The following NCOA3 variants were observed in gnomAD, a reference collection of about 807,000 sequenced individuals.
NCOA3 encodes nuclear receptor coactivator 3.
In NCOA3, 51 loss-of-function variants were observed where a neutral mutation model predicts 158.8. The observed-to-expected ratio is 0.32, with a 90% confidence interval of 0.26 to 0.41. The LOEUF (loss-of-function observed/expected upper bound fraction) is 0.41. Ranked by LOEUF, NCOA3 falls within the 10% of genes least tolerant of loss-of-function variation. NCOA3 has a pLI of 1.00. For missense variants in NCOA3, 1,510 were observed against 1,746.6 expected (o/e 0.86, Z 2.41); for synonymous variants, 537 against 592.4 (o/e 0.91, Z 1.36).
At chr20:47,543,775 G>A (rs998114842) in intron 1 of NCOA3, among the ~76,000 whole-genome samples, 5 of 152,166 alleles carry the variant, frequency 3.3e-5, no homozygotes, top group African/African-American at 1.2e-4. Context: ...CTCCCAGGGA[G>A]CTGGGATTAC....
intron 7 of NCOA3, 42 bp downstream of exon 7, chr20:47,627,791 G>A (rs776962336): frequency 1.3e-6 from 2 of 1,594,958 alleles, no homozygotes; most frequent in Admixed American, 3.4e-5. Flanking sequence ...GAAACAAATA[G>A]TGGCCATACT....
At chr20:47,644,854 C>T (rs1428237755) in intron 17 of NCOA3, among the ~76,000 whole-genome samples, 5 of 152,206 alleles carry the variant, frequency 3.3e-5, no homozygotes, top group Admixed American at 6.5e-5. Flanking sequence ...CACGCCACCA[C>T]GCCCGGCTTT....
intron 1 of NCOA3, among the ~76,000 whole-genome samples, chr20:47,558,396 A>G (rs2085047092): frequency 1.3e-5 from 2 of 151,622 alleles, no homozygotes; most frequent in Non-Finnish European, 2.9e-5. Flanking sequence ...TTCCTCTTAC[A>G]AGGGCGCCAG....
chr20:47,559,851 T>C (rs751239270), intron 1 of NCOA3, among the ~76,000 whole-genome samples: 5 of 152,042 alleles, frequency 3.3e-5, no homozygotes, highest in Non-Finnish European at 7.4e-5. Context: ...AGGGTCTCAC[T>C]GTGTTGCCCA....
chr20:47,548,322 C>A (rs2084866362), intron 1 of NCOA3, among the ~76,000 whole-genome samples: 1 of 151,976 alleles, frequency 6.6e-6, no homozygotes, highest in East Asian at 1.9e-4. Context: ...GCAGGCAGAT[C>A]ACCTGAGGTC....
At chr20:47,559,033 T>C (rs2085058139) in intron 1 of NCOA3, among the ~76,000 whole-genome samples, 1 of 151,498 alleles carries the variant, frequency 6.6e-6, no homozygotes, top group Admixed American at 6.6e-5. Context: ...TGATGTTTTC[T>C]CTATTAGGGT....
intron 2 of NCOA3, among the ~76,000 whole-genome samples, chr20:47,617,353 A>G (rs1334420354): frequency 6.6e-6 from 1 of 152,216 alleles, no homozygotes; most frequent in African/African-American, 2.4e-5. Flanking sequence ...TCTCCAAACT[A>G]GATGGGTTGT....
chr20:47,535,416 G>A (rs750005063), intron 1 of NCOA3, among the ~76,000 whole-genome samples: 5 of 152,140 alleles, frequency 3.3e-5, no homozygotes, highest in African/African-American at 9.7e-5. Flanking sequence ...CTGCCTTATC[G>A]CAAGGATAGA....
intron 16 of NCOA3, among the ~76,000 whole-genome samples, chr20:47,641,316 C>A (rs1162911745): frequency 1.4e-5 from 2 of 144,810 alleles, no homozygotes; most frequent in Non-Finnish European, 1.5e-5. Context: ...AGTGATAGCT[C>A]AACATTTCTT....
chr20:47,615,879 G>A (rs1209323780), intron 2 of NCOA3, among the ~76,000 whole-genome samples: 1 of 152,062 alleles, frequency 6.6e-6, no homozygotes. Context: ...TAATTGTGAC[G>A]AGACGTGGTG....
rs1231115061 is a variant in NCOA3, at chr20:47,646,247, AATT to A, written c.3253-820_3253-818del. Among the ~76,000 whole-genome samples, 5 of 152,184 alleles carry A rather than the reference AATT, an allele frequency of 3.3e-5. No individual in the cohort carries two copies. The East Asian group carries it at 7.7e-4, about 23-fold the overall frequency. On this transcript the variant is annotated intron_variant, in intron 17 of 22. Transcript: ENST00000371998. ...AGTTGTTACACTGTATTGTTTAGGG[AATT>A]ATTATAAGAAGAATGATGACTGTGT...
At chr20:47,653,368 ATT>A (rs545375540) in intron 22 of NCOA3, 36 bp from the exon 23 acceptor site, 48,306 of 1,320,442 alleles carry the variant, frequency 0.037, 12 homozygotes, top group East Asian at 0.083. Context: ...TGTTTTACTC[ATT>A]TTTTTTTTTT....
At chr20:47,590,313 A>G (rs914690164) in intron 2 of NCOA3, among the ~76,000 whole-genome samples, 3 of 152,152 alleles carry the variant, frequency 2.0e-5, no homozygotes, top group African/African-American at 7.2e-5. Context: ...AACATGAAAA[A>G]ATAGACTTAG....
At chr20:47,632,519 C>T (rs2086436908) in intron 8 of NCOA3, among the ~76,000 whole-genome samples, 1 of 151,814 alleles carries the variant, frequency 6.6e-6, no homozygotes, top group Non-Finnish European at 1.5e-5. Context: ...TCCCAAGTAG[C>T]TGGGATTACA....
At chr20:47,591,965 T>A (rs1186079427) in intron 2 of NCOA3, among the ~76,000 whole-genome samples, 3 of 152,228 alleles carry the variant, frequency 2.0e-5, no homozygotes, top group African/African-American at 7.2e-5. Flanking sequence ...TTGGCCATTC[T>A]TCAAGTACTT....
chr20:47,569,846 T>C (rs1363822198), intron 1 of NCOA3, among the ~76,000 whole-genome samples: 1 of 150,492 alleles, frequency 6.6e-6, no homozygotes, highest in African/African-American at 2.4e-5. Context: ...CCGTCTCTAC[T>C]AAAAATACAA....
intron 1 of NCOA3, among the ~76,000 whole-genome samples, chr20:47,516,879 GC>G (rs1569313566): frequency 6.9e-6 from 1 of 145,804 alleles, no homozygotes; most frequent in African/African-American, 2.6e-5. Context: ...CCAAGATCAC[GC>G]CACTGCCCTC....
At chr20:47,571,867 A>G (rs1212237440) in intron 1 of NCOA3, among the ~76,000 whole-genome samples, 2 of 151,950 alleles carry the variant, frequency 1.3e-5, no homozygotes, top group Non-Finnish European at 2.9e-5. Context: ...AGCTGGGACT[A>G]CAGGCACATG....
chr20:47,548,132 G>A (rs1159154079), intron 1 of NCOA3, among the ~76,000 whole-genome samples: 1 of 151,950 alleles, frequency 6.6e-6, no homozygotes, highest in Non-Finnish European at 1.5e-5. Flanking sequence ...AATAAAGTTA[G>A]GGTGATTTGT....
Sources: gnomAD v4.1 joint callset for allele counts (sites outside exome capture counted in the v4.1 genomes callset) on GRCh38, gnomAD v4.1.1 for gene constraint, MANE v1.5 for transcripts, NCBI Gene and HGNC (gene_info 2026-07-23, HGNC 2026-07-21) for gene names.